Variants in P2RX4 observed in about 807,000 individuals in gnomAD.
P2RX4 encodes the protein purinergic receptor P2X 4.
In P2RX4, 37 loss-of-function variants were observed where a neutral mutation model predicts 48.0. The observed-to-expected ratio is 0.77, with a 90% CI of 0.59 to 1.01. The LOEUF (loss-of-function observed/expected upper bound fraction) is 1.01. P2RX4 is among the 50% of genes least tolerant of loss of function. The probability of loss-of-function intolerance (pLI) is 0.00; values close to 1 mark genes in which losing one functional copy is unlikely to be tolerated. For missense variants in P2RX4, 501 were observed against 521.4 expected (o/e 0.96, Z 0.38); for synonymous variants, 200 against 199.7 (o/e 1.00, Z -0.01).
Position 121,229,574 on chromosome 12 carries a change from C to G in P2RX4, c.884+475C>G, listed in dbSNP as rs556516063. Among the ~76,000 whole-genome samples the G allele has an allele frequency of 6.6e-6, 1 of 152,102 alleles. No homozygotes were observed. On this transcript the variant is annotated intron_variant, in intron 8 of 11. Coordinates refer to ENST00000337233, the MANE Select transcript of P2RX4 (RefSeq NM_002560.3). This position sits in a 1 kb window ranked among gnomAD's most constrained non-coding sequence, Gnocchi z 4.6. ...CTGAAAGGCCTTGCTGGGTTCCCTG[C>G]TGCAAATGCTGGCATCTCGGTGTCC...
At position 121,210,286 on chromosome 12, in the gene P2RX4, C is replaced by T. The variant is rs1885729752; in HGVS notation, c.122C>T (p.Ala41Val). ...MNRAVQLLIL[A>V]YVIGWVFVWE... The stretch of plus-strand genomic sequence containing the variant: ...CGCGCCGTGCAACTGCTCATCCTGG[C>T]CTACGTCATCGGGTGAGCGTGGGGC... Residue 41 changes from alanine (A) to valine (V), a missense_variant, in exon 1 of 12, where the codon GCC becomes GTC. Physicochemically the swap from Ala to Val is moderately conservative, Grantham distance 64. Coordinates refer to ENST00000337233, the MANE Select transcript of P2RX4 (RefSeq NM_002560.3). The T allele has an allele frequency of 6.5e-7, 1 of 1,549,520 alleles. No homozygotes were observed. Among genetic ancestry groups the T allele is most frequent in the African/African-American group, 1.4e-5 (1 of 70,146 alleles).
At chr12:121,219,861 T>TAGATAGATAGATAGAC (rs61633067) in intron 2 of P2RX4, among the ~76,000 whole-genome samples, 1 of 142,900 alleles carries the variant, frequency 7.0e-6, no homozygotes, top group Non-Finnish European at 1.5e-5. Flanking sequence ...GATAGATAGA[T>TAGATAGATAGATAGAC]AGACAGATAA....
chr12:121,225,468 T>C lies in P2RX4; in HGVS notation c.524+2425T>C, dbSNP rs186733845. ...CTCTGTCGCCCAGGCTGGAGTGCAG[T>C]GGCGCCATCTCTGTTCACTGCAAGC... On this transcript the variant is annotated intron_variant, in intron 5 of 11. Coordinates refer to ENST00000337233, the MANE Select transcript of P2RX4 (RefSeq NM_002560.3). 6.8e-3 allele frequency among the ~76,000 whole-genome samples: 1,032 copies of C among 152,292 alleles called. 12 individuals are homozygous for C. The highest frequency in any genetic ancestry group is 0.023 in the African/African-American group (966 of 41,554).
chr12:121,216,816 G>T, intron 1 of P2RX4: 1 of 608,178 alleles, frequency 1.6e-6, no homozygotes. Context: ...GCGAAACATC[G>T]TCTCAAAAAA....
intron 2 of P2RX4, among the ~76,000 whole-genome samples, chr12:121,219,551 G>A (rs1281723461): frequency 2.0e-5 from 3 of 151,716 alleles, no homozygotes; most frequent in African/African-American, 7.3e-5. Flanking sequence ...GCAATATAGT[G>A]AGACCCCATC....
At position 121,233,743 on chromosome 12, in the gene P2RX4, C is replaced by T. The variant is rs1887529043; in HGVS notation, c.*194C>T. On this transcript the variant is annotated 3_prime_UTR_variant, in exon 12 of 12. Coordinates refer to ENST00000337233, the MANE Select transcript of P2RX4 (RefSeq NM_002560.3). ...TGTTTGCCCACTCGGCCCAGGAGGT[C>T]AGCAGTCTGTTCTTGGCTGGGTCAA... The T allele has an allele frequency of 1.7e-5, 23 of 1,368,106 alleles. No homozygotes were observed. In the South Asian group the frequency reaches 3.3e-4, roughly 19 times the overall value. 84.7% of individuals were successfully genotyped at this position (1,368,106 alleles called of 1,614,324 possible).
intron 5 of P2RX4, among the ~76,000 whole-genome samples, chr12:121,224,754 C>T (rs559318938): frequency 1.3e-5 from 2 of 152,050 alleles, no homozygotes; most frequent in South Asian, 4.2e-4. Context: ...GAAGTGCGTG[C>T]AGCCTAGGGC....
At chr12:121,221,536 G>C (rs59706799) in intron 2 of P2RX4, among the ~76,000 whole-genome samples, 1 of 151,812 alleles carries the variant, frequency 6.6e-6, no homozygotes, top group Non-Finnish European at 1.5e-5. Flanking sequence ...TGGGACTACA[G>C]GTGCCCGCCA....
At chr12:121,227,306 A>G (rs372720688) in intron 5 of P2RX4, among the ~76,000 whole-genome samples, 41 of 152,334 alleles carry the variant, frequency 2.7e-4, no homozygotes, top group East Asian at 1.7e-3. Flanking sequence ...GGTTAGCCAT[A>G]CAGTGCCAGA....
At chr12:121,211,427 G>A (rs1885838182) in intron 1 of P2RX4, among the ~76,000 whole-genome samples, 1 of 152,078 alleles carries the variant, frequency 6.6e-6, no homozygotes, top group Non-Finnish European at 1.5e-5. Flanking sequence ...GACCTCAGGT[G>A]ATCCGCCCAC....
At chr12:121,222,069 T>G (rs778181642) in intron 3 of P2RX4, 25 bp from the exon 4 acceptor site, 2 of 1,611,018 alleles carry the variant, frequency 1.2e-6, no homozygotes, top group Non-Finnish European at 1.7e-6. Flanking sequence ...CACGTGGACT[T>G]TCTTTTCGCT....
At chr12:121,231,937 G>A (rs536808114) in intron 8 of P2RX4, among the ~76,000 whole-genome samples, 1 of 150,860 alleles carries the variant, frequency 6.6e-6, no homozygotes, top group Admixed American at 6.6e-5. Flanking sequence ...CTGGGGAGGT[G>A]GAGGTTGCAG....
intron 5 of P2RX4, chr12:121,223,365 C>T: frequency 2.8e-6 from 1 of 354,532 alleles, no homozygotes; most frequent in Non-Finnish European, 5.4e-6. Flanking sequence ...CGGGAGCCAC[C>T]ACACCCAGCC....
At chr12:121,233,291 C>T (rs1382400936) in intron 11 of P2RX4, 199 bp downstream of exon 11, 9 of 640,684 alleles carry the variant, frequency 1.4e-5, no homozygotes, top group Non-Finnish European at 2.2e-5. Context: ...ACTCTTTAAA[C>T]CCAGCCTCGT....
chr12:121,212,129 TC>T (rs1565997020), intron 1 of P2RX4, among the ~76,000 whole-genome samples: 1 of 151,960 alleles, frequency 6.6e-6, no homozygotes, highest in Non-Finnish European at 1.5e-5. Flanking sequence ...AAGTAACAGA[TC>T]CCCCCGTCTT....
intron 2 of P2RX4, among the ~76,000 whole-genome samples, chr12:121,219,300 C>T (rs1886424148): frequency 6.6e-6 from 1 of 152,182 alleles, no homozygotes. Flanking sequence ...GCTTCCACCA[C>T]TTGTCAGACC....
chr12:121,221,445 G>C (rs1239061546), intron 2 of P2RX4, among the ~76,000 whole-genome samples: 1 of 149,080 alleles, frequency 6.7e-6, no homozygotes, highest in African/African-American at 2.5e-5. Context: ...CCAGGCTGGA[G>C]TGCAGTGGCG....
At chr12:121,217,755 A>G in intron 2 of P2RX4, among the ~76,000 whole-genome samples, 1 of 144,414 alleles carries the variant, frequency 6.9e-6, no homozygotes, top group Non-Finnish European at 1.5e-5. Context: ...GTGAAACCCC[A>G]TCTCTATAAA....
chr12:121,224,628 T>A (rs1298256617), intron 5 of P2RX4, among the ~76,000 whole-genome samples: 2 of 151,746 alleles, frequency 1.3e-5, no homozygotes, highest in Admixed American at 1.3e-4. Flanking sequence ...AAAAAATAAA[T>A]AAATAAAAAT....
Sources: allele counts gnomAD v4.1 joint callset (sites outside exome capture counted in the v4.1 genomes callset), GRCh38; gene constraint gnomAD v4.1.1; non-coding constraint Gnocchi (gnomAD v3.1); transcripts MANE v1.5; gene names NCBI Gene and HGNC (gene_info 2026-07-23, HGNC 2026-07-21).